The following ACBD6 variants were observed in gnomAD, a reference collection of about 807,000 sequenced individuals.
The protein encoded by ACBD6 is acyl-CoA binding domain containing 6.
ACBD6 carries 28 observed loss-of-function variants against 37.2 expected under a neutral mutation model. The observed-to-expected ratio is 0.75, with a 90% confidence interval of 0.56 to 1.03. The LOEUF (loss-of-function observed/expected upper bound fraction) is 1.03, where lower values mean the gene tolerates loss of function less well. Among genes scored for constraint, ACBD6 ranks in the 50% least tolerant of loss-of-function variants. The probability of loss-of-function intolerance (pLI) is 0.00; values close to 1 mark genes in which losing one functional copy is unlikely to be tolerated. For missense variants in ACBD6, 340 were observed against 337.4 expected (o/e 1.01, Z -0.06); for synonymous variants, 113 against 126.8 (o/e 0.89, Z 0.73).
chr1:180,493,268 A>AAC (rs1553218677), intron 2 of ACBD6, among the ~76,000 whole-genome samples: 1 of 133,024 alleles, frequency 7.5e-6, no homozygotes, highest in African/African-American at 3.3e-5. Context: ...AAAAAAAAAA[A>AAC]AAAAAAAAAA....
At chr1:180,280,402 A>G (rs1649273654) in intron 9 of ACBD6, among the ~76,000 whole-genome samples, 1 of 152,162 alleles carries the variant, frequency 6.6e-6, no homozygotes, top group Non-Finnish European at 1.5e-5. Flanking sequence ...CTTAGGTACA[A>G]AGCAGGAGGT....
chr1:180,443,779 A>ATT (rs71121019), intron 3 of ACBD6, among the ~76,000 whole-genome samples: 6,759 of 134,044 alleles, frequency 0.05, 213 homozygotes, highest in South Asian at 0.085. Context: ...CGCCCAGCTA[A>ATT]TTTTTTTTTT....
chr1:180,482,295 G>T (rs992654037), intron 3 of ACBD6, among the ~76,000 whole-genome samples: 3 of 152,124 alleles, frequency 2.0e-5, no homozygotes, highest in Non-Finnish European at 4.4e-5. Context: ...CAAAAGGCTA[G>T]ATGGATACTG....
At chr1:180,343,130 C>T (rs1415858019) in intron 6 of ACBD6, among the ~76,000 whole-genome samples, 4 of 151,524 alleles carry the variant, frequency 2.6e-5, no homozygotes, top group African/African-American at 9.7e-5. Flanking sequence ...AATAAAAATA[C>T]CCAACTGAAT....
intron 3 of ACBD6, among the ~76,000 whole-genome samples, chr1:180,474,806 T>A (rs1341373426): frequency 6.6e-6 from 1 of 152,234 alleles, no homozygotes; most frequent in African/African-American, 2.4e-5. Flanking sequence ...TAAAAAAATA[T>A]CCTCCTTCAC....
At chr1:180,310,053 T>C (rs1159006287) in intron 7 of ACBD6, among the ~76,000 whole-genome samples, 2 of 152,202 alleles carry the variant, frequency 1.3e-5, no homozygotes, top group Non-Finnish European at 2.9e-5. Flanking sequence ...CCAATTCCCT[T>C]AGGCAAGCTT....
intron 5 of ACBD6, among the ~76,000 whole-genome samples, chr1:180,405,831 G>T (rs1647600834): frequency 6.6e-6 from 1 of 151,946 alleles, no homozygotes; most frequent in Non-Finnish European, 1.5e-5. Context: ...TTTCTTGGAA[G>T]AATCATAAAT....
In ACBD6 at chr1:180,475,645, G is replaced by A. The variant is rs138818589; in HGVS notation, c.384+16624C>T. 2.9e-4 allele frequency among the ~76,000 whole-genome samples: 44 copies of A among 152,144 alleles called. 1 individual carries two copies. The East Asian group carries it at 8.1e-3, about 28-fold the overall frequency. On this transcript the variant is annotated intron_variant, in intron 3 of 7. Coordinates refer to ENST00000367595, the MANE Select transcript of ACBD6 (RefSeq NM_032360.4). ...AGCAGTCCTCCCATCCTGGCCTCCC[G>A]AAGTGCTGGGATTACAGGCATGAGC...
At chr1:180,400,009 G>A (rs541257500) in intron 5 of ACBD6, among the ~76,000 whole-genome samples, 2 of 152,076 alleles carry the variant, frequency 1.3e-5, no homozygotes, top group Admixed American at 6.5e-5. Flanking sequence ...ACCATAAGAT[G>A]TATAGATAAT....
chr1:180,368,974 TA>T lies in ACBD6; in HGVS notation c.663+28541del, dbSNP rs201951559. Among the ~76,000 whole-genome samples the T allele has an allele frequency of 3.9e-5, 6 of 152,138 alleles. No individual in the cohort carries two copies. In the East Asian group the frequency reaches 1.2e-3, roughly 29 times the overall value. On this transcript the variant is annotated intron_variant, in intron 6 of 7. Coordinates refer to ENST00000367595, the MANE Select transcript of ACBD6 (RefSeq NM_032360.4). Reference sequence around the variant, plus strand: ...TATCTACCTTCATAATCTCAATCCTTAAAAAAGGAGTTTATAATCCTTTATA... The same window carrying T: ...TATCTACCTTCATAATCTCAATCCTTAAAAAGGAGTTTATAATCCTTTATA...
intron 3 of ACBD6, among the ~76,000 whole-genome samples, chr1:180,476,596 C>T (rs1177462528): frequency 6.6e-5 from 10 of 152,230 alleles, no homozygotes; most frequent in Non-Finnish European, 1.3e-4. Flanking sequence ...AAGGCCAAGG[C>T]AGGCGGATCA....
At chr1:180,270,496 A>G (rs1201652888) in exon 14 of ACBD6, 1 of 152,206 alleles carries the variant, frequency 6.6e-6, no homozygotes, top group Non-Finnish European at 1.5e-5. Flanking sequence ...GTGCTTCCGA[A>G]CACACGCACG....
chr1:180,408,671 T>C (rs1647727761), intron 5 of ACBD6, among the ~76,000 whole-genome samples: 1 of 151,558 alleles, frequency 6.6e-6, no homozygotes, highest in South Asian at 2.1e-4. Flanking sequence ...AGTATAATAA[T>C]AATAAAATAA....
At chr1:180,274,371 C>T (rs1218139531) in intron 10 of ACBD6, 21 of 1,614,234 alleles carry the variant, frequency 1.3e-5, no homozygotes, top group Non-Finnish European at 1.8e-5. Flanking sequence ...TCCCTGCCAT[C>T]CCACGCTCCT....
At chr1:180,306,243 T>TATA (rs1453295178) in intron 7 of ACBD6, among the ~76,000 whole-genome samples, 1 of 150,410 alleles carries the variant, frequency 6.6e-6, no homozygotes, top group Non-Finnish European at 1.5e-5. Flanking sequence ...AAACTTAAAG[T>TATA]ATAATAATAA....
chr1:180,303,353 T>C (rs1218189846), intron 7 of ACBD6, among the ~76,000 whole-genome samples: 4 of 150,796 alleles, frequency 2.7e-5, no homozygotes, highest in East Asian at 1.9e-4. Context: ...ATTGATAGAC[T>C]GCTAGCAAGA....
At chr1:180,407,363 G>A (rs1454885171) in intron 5 of ACBD6, among the ~76,000 whole-genome samples, 1 of 152,200 alleles carries the variant, frequency 6.6e-6, no homozygotes, top group African/African-American at 2.4e-5. Context: ...CTACATCAAA[G>A]TAACAAAATG....
intron 6 of ACBD6, among the ~76,000 whole-genome samples, chr1:180,348,517 T>C (rs941810575): frequency 4.3e-4 from 65 of 152,302 alleles, no homozygotes; most frequent in African/African-American, 1.5e-3. Flanking sequence ...TTTGAGGTTG[T>C]GACAGGAAGC....
chr1:180,500,479 G>C (rs531192718), intron 1 of ACBD6, among the ~76,000 whole-genome samples: 72 of 151,850 alleles, frequency 4.7e-4, no homozygotes, highest in African/African-American at 1.7e-3. Flanking sequence ...GATCACCTAA[G>C]GTCAGGAGTT....
Sources: allele counts gnomAD v4.1 joint callset (sites outside exome capture counted in the v4.1 genomes callset), GRCh38; gene constraint gnomAD v4.1.1; transcripts MANE v1.5; gene names NCBI Gene and HGNC (gene_info 2026-07-23, HGNC 2026-07-21).